Variants in WWOX observed in about 807,000 individuals in gnomAD.
WWOX encodes the protein WW domain-containing oxidoreductase.
In WWOX, 69 loss-of-function variants were observed where a neutral mutation model predicts 46.2. The ratio of observed to expected loss-of-function variants is 1.49; its 90% CI spans 1.23 to 1.82. The LOEUF (loss-of-function observed/expected upper bound fraction) is 1.82, where lower values mean the gene tolerates loss of function less well. Among genes scored for constraint, WWOX ranks in the 40% most tolerant of loss-of-function variants. WWOX has a pLI of 0.00. For synonymous variants in WWOX, 359 were observed against 202.6 expected (o/e 1.77, Z -6.56); for missense variants, 919 against 542.6 (o/e 1.69, Z -6.89).
At chr16:79,007,740 C>T (rs138153968) in intron 8 of WWOX, among the ~76,000 whole-genome samples, 2 of 152,252 alleles carry the variant, frequency 1.3e-5, no homozygotes, top group East Asian at 1.9e-4. Flanking sequence ...GCGGCAAAAC[C>T]AGGATGTGAA....
At chr16:78,640,034 A>G (rs1363412966) in intron 8 of WWOX, among the ~76,000 whole-genome samples, 1 of 152,142 alleles carries the variant, frequency 6.6e-6, no homozygotes, top group Admixed American at 6.5e-5. Context: ...ACAGATAGGA[A>G]AGTGACACAG....
At chr16:78,888,359 T>C (rs1176812494) in intron 8 of WWOX, among the ~76,000 whole-genome samples, 1 of 152,210 alleles carries the variant, frequency 6.6e-6, no homozygotes, top group African/African-American at 2.4e-5. Context: ...CCCAGGTACC[T>C]GCCCAGAGGC....
chr16:78,765,950 A>G (rs2049916156), intron 8 of WWOX, among the ~76,000 whole-genome samples: 2 of 152,212 alleles, frequency 1.3e-5, no homozygotes, highest in South Asian at 4.1e-4. Context: ...CAGGGATCCC[A>G]GTGGCTTGAA....
intron 5 of WWOX, among the ~76,000 whole-genome samples, chr16:78,373,068 C>G (rs371425756): frequency 2.0e-5 from 3 of 152,158 alleles, no homozygotes; most frequent in African/African-American, 7.2e-5. Flanking sequence ...TCCTAACTTT[C>G]ATTTCTGCTT....
chr16:79,065,122 G>A (rs547231459), intron 8 of WWOX, among the ~76,000 whole-genome samples: 54 of 152,206 alleles, frequency 3.5e-4, no homozygotes, highest in African/African-American at 1.3e-3. Flanking sequence ...GTTTCTCTTC[G>A]CTATGGGGAA....
chr16:78,946,635 A>T (rs1346509167), intron 8 of WWOX, among the ~76,000 whole-genome samples: 1 of 152,178 alleles, frequency 6.6e-6, no homozygotes, highest in Non-Finnish European at 1.5e-5. Flanking sequence ...CCTAGGGCAC[A>T]GGAGAGATGC....
intron 8 of WWOX, among the ~76,000 whole-genome samples, chr16:78,465,291 C>G (rs964256705): frequency 6.6e-6 from 1 of 152,202 alleles, no homozygotes; most frequent in Non-Finnish European, 1.5e-5. Flanking sequence ...GACTTAAAAC[C>G]ATTCAGCCTT....
At chr16:79,210,516 G>C (rs1282333254) in intron 8 of WWOX, among the ~76,000 whole-genome samples, 1 of 152,146 alleles carries the variant, frequency 6.6e-6, no homozygotes, top group African/African-American at 2.4e-5. Flanking sequence ...TGTTTTCCTT[G>C]TGGGGGCGAG....
At chr16:79,185,277 A>G (rs1438869118) in intron 8 of WWOX, among the ~76,000 whole-genome samples, 1 of 152,204 alleles carries the variant, frequency 6.6e-6, no homozygotes, top group Admixed American at 6.5e-5. Flanking sequence ...GCCTCTCTTC[A>G]ATAAGAGCAG....
chr16:78,738,516 T>C (rs943939652), intron 8 of WWOX, among the ~76,000 whole-genome samples: 2 of 152,128 alleles, frequency 1.3e-5, no homozygotes, highest in Non-Finnish European at 2.9e-5. Flanking sequence ...TATTGGCATA[T>C]GTTAAAATAC....
At chr16:78,448,389 T>A (rs909628887) in intron 8 of WWOX, among the ~76,000 whole-genome samples, 30 of 152,216 alleles carry the variant, frequency 2.0e-4, no homozygotes, top group African/African-American at 7.2e-4. Flanking sequence ...TTTTATAGCC[T>A]TTGTAGATTA....
chr16:79,090,847 G>T (rs2048945094), intron 8 of WWOX, among the ~76,000 whole-genome samples: 1 of 152,182 alleles, frequency 6.6e-6, no homozygotes, highest in Non-Finnish European at 1.5e-5. Context: ...CATCTGGAGT[G>T]CAGCGGCATG....
chr16:78,577,028 T>C (rs2044898808), intron 8 of WWOX, among the ~76,000 whole-genome samples: 1 of 152,208 alleles, frequency 6.6e-6, no homozygotes, highest in African/African-American at 2.4e-5. Context: ...GTGATTAGTT[T>C]ATAGGTAGCC....
At chr16:78,357,336 A>G (rs1161907474) in intron 5 of WWOX, among the ~76,000 whole-genome samples, 3 of 152,154 alleles carry the variant, frequency 2.0e-5, no homozygotes, top group African/African-American at 7.2e-5. Context: ...TCAGCACCAC[A>G]CAAACACACT....
chr16:78,422,821 A>G (rs1434614789), intron 6 of WWOX, among the ~76,000 whole-genome samples: 1 of 121,596 alleles, frequency 8.2e-6, no homozygotes, highest in Non-Finnish European at 1.6e-5. Flanking sequence ...ATATATATAC[A>G]CACACATATA....
At chr16:78,378,775 G>T (rs1032824357) in intron 5 of WWOX, among the ~76,000 whole-genome samples, 1 of 152,174 alleles carries the variant, frequency 6.6e-6, no homozygotes, top group Non-Finnish European at 1.5e-5. Flanking sequence ...TTAGCAATAA[G>T]CTCTGAGTGT....
At chr16:78,918,263 A>G (rs75775102) in intron 8 of WWOX, among the ~76,000 whole-genome samples, 14,145 of 152,204 alleles carry the variant, frequency 0.093, 906 homozygotes, top group Admixed American at 0.17. Context: ...AAAATAAAAC[A>G]TAAGAAAAAA....
chr16:78,791,018 C>CAAAAAAAA (rs775592585), intron 8 of WWOX, among the ~76,000 whole-genome samples: 2 of 62,454 alleles, frequency 3.2e-5, no homozygotes, highest in African/African-American at 1.3e-4. Flanking sequence ...GACCCTGTCT[C>CAAAAAAAA]AAAAAAAAAA....
chr16:78,465,444 T>C (rs912259051), intron 8 of WWOX, among the ~76,000 whole-genome samples: 7 of 152,198 alleles, frequency 4.6e-5, no homozygotes, highest in Non-Finnish European at 1.5e-5. Context: ...CCTCCCGAAG[T>C]GCTGGGATTA....
Sources: gnomAD v4.1 joint callset for allele counts (sites outside exome capture counted in the v4.1 genomes callset) on GRCh38, gnomAD v4.1.1 for gene constraint, MANE v1.5 for transcripts, NCBI Gene and HGNC (gene_info 2026-07-23, HGNC 2026-07-21) for gene names.